The following CREBBP variants were observed in gnomAD, a reference collection of about 807,000 sequenced individuals.
CREBBP encodes the protein CREB-binding protein.
In CREBBP, 19 loss-of-function variants were observed where a neutral mutation model predicts 265.0. The ratio of observed to expected loss-of-function variants is 0.07; its 90% CI spans 0.05 to 0.11. CREBBP has a LOEUF of 0.11. Among genes scored for constraint, CREBBP ranks in the 10% least tolerant of loss-of-function variants. CREBBP has a pLI of 1.00. For missense variants in CREBBP, 2,525 were observed against 3,219.0 expected (o/e 0.78, Z 5.22); for synonymous variants, 1,457 against 1,223.7 (o/e 1.19, Z -3.98).
Position 3,727,619 on chromosome 16 carries a change from G to T in CREBBP, c.*99C>A, listed in dbSNP as rs758118196. On this transcript the variant is annotated 3_prime_UTR_variant, in exon 31 of 31. Transcript: ENST00000262367. ...CAATCCACCCTTCCATGGCTCGGAA[G>T]TCGCAGTTCCATCTAGGAATAAAAA... 19 of 1,601,508 alleles carry T rather than the reference G, an allele frequency of 1.2e-5. No individual in the cohort carries two copies. The highest frequency in any genetic ancestry group is 1.6e-5 in the Non-Finnish European group (19 of 1,172,912).
At chr16:3,816,339 A>G (rs902614739) in intron 2 of CREBBP, among the ~76,000 whole-genome samples, 7 of 152,230 alleles carry the variant, frequency 4.6e-5, no homozygotes, top group African/African-American at 1.7e-4. Flanking sequence ...CCTGTGTATG[A>G]TAAGAAAAAT....
At chr16:3,832,939 T>A (rs1207409040) in intron 2 of CREBBP, among the ~76,000 whole-genome samples, 3 of 150,584 alleles carry the variant, frequency 2.0e-5, no homozygotes, top group South Asian at 2.1e-4. Flanking sequence ...TGAAAAAAGA[T>A]GTGGCAAAAT....
At chr16:3,767,364 C>A (rs2052879958) in intron 16 of CREBBP, 1 of 312,498 alleles carries the variant, frequency 3.2e-6, no homozygotes, top group Middle Eastern at 9.7e-4. Context: ...CTCCTACTCA[C>A]ATACATCACT....
At chr16:3,739,361 C>G in intron 25 of CREBBP, 1 of 607,450 alleles carries the variant, frequency 1.6e-6, no homozygotes, top group Non-Finnish European at 2.9e-6. Context: ...CCCACACAGA[C>G]TCGCCACACA....
At chr16:3,818,956 G>C (rs2054091623) in intron 2 of CREBBP, among the ~76,000 whole-genome samples, 1 of 152,224 alleles carries the variant, frequency 6.6e-6, no homozygotes, top group African/African-American at 2.4e-5. Context: ...GCCCCCACTA[G>C]AGGCTTCACC....
intron 21 of CREBBP, among the ~76,000 whole-genome samples, chr16:3,747,093 C>A (rs151198438): frequency 2.6e-5 from 4 of 152,078 alleles, no homozygotes; most frequent in African/African-American, 9.7e-5. Context: ...AGCAAGCCCC[C>A]CTGCCTGGCT....
chr16:3,774,251 A>G (rs2053083476), intron 12 of CREBBP, among the ~76,000 whole-genome samples: 1 of 152,216 alleles, frequency 6.6e-6, no homozygotes, highest in Non-Finnish European at 1.5e-5. Flanking sequence ...GCCTCGGAAC[A>G]GCGAGCTCTC....
Position 3,793,618 on chromosome 16 carries a change from C to T in CREBBP, c.984G>A (p.Met328Ile), listed in dbSNP as rs1421889824. 6 of 1,612,956 alleles carry T rather than the reference C, an allele frequency of 3.7e-6. No individual in the cohort carries two copies. The highest frequency in any genetic ancestry group is 5.1e-6 in the Non-Finnish European group (6 of 1,179,992). The part of the protein sequence containing the change: ...SVTNVPNMSQ[M>I]QTSVGIVPTQ... ...TGGGTACAATTCCCACTGATGTTTG[C>T]ATCTGAGACTAAAATAAAGCAAAAT... The change falls in exon 4 of 31, where the codon ATG (methionine) becomes ATA (isoleucine). Residue 328 changes from methionine to isoleucine, a missense_variant. Met to Ile is a conservative substitution (Grantham distance 10). This residue lies in a region of CREBBP where 126 missense variants were observed against 171.9 expected (regional missense o/e 0.73). Coordinates refer to ENST00000262367, the MANE Select transcript of CREBBP (RefSeq NM_004380.3).
chr16:3,792,544 A>G (rs914356398), intron 4 of CREBBP, among the ~76,000 whole-genome samples: 6 of 152,222 alleles, frequency 3.9e-5, no homozygotes, highest in Admixed American at 6.5e-5. Context: ...GACTCTGGGC[A>G]CTTGGTGAAG....
chr16:3,756,454 C>G (rs1189393527), intron 19 of CREBBP, among the ~76,000 whole-genome samples: 7 of 152,250 alleles, frequency 4.6e-5, no homozygotes. Context: ...ATACTATTCT[C>G]ACTCTCTACC....
intron 3 of CREBBP, among the ~76,000 whole-genome samples, chr16:3,810,170 C>G (rs181232750): frequency 1.8e-4 from 28 of 152,142 alleles, no homozygotes; most frequent in Admixed American, 6.5e-4. Flanking sequence ...TTGTGTTGGA[C>G]GTAATATGCA....
chr16:3,785,282 T>C (rs1360711345), intron 5 of CREBBP, among the ~76,000 whole-genome samples: 1 of 152,256 alleles, frequency 6.6e-6, no homozygotes, highest in Admixed American at 6.5e-5. Flanking sequence ...CTTTAGACAC[T>C]GACCCTTCGT....
chr16:3,781,169 T>C (rs762189965), intron 7 of CREBBP, 35 bp downstream of exon 7: 5 of 1,550,904 alleles, frequency 3.2e-6, no homozygotes, highest in South Asian at 2.2e-5. Context: ...CATGCTCCTG[T>C]TGGACTGTCA....
intron 2 of CREBBP, among the ~76,000 whole-genome samples, chr16:3,827,426 C>G (rs1319532309): frequency 6.6e-6 from 1 of 152,192 alleles, no homozygotes; most frequent in Non-Finnish European, 1.5e-5. Context: ...GAGTCTCACT[C>G]TGTTGCCCAG....
At chr16:3,876,182 G>C (rs1428778332) in intron 1 of CREBBP, among the ~76,000 whole-genome samples, 1 of 151,796 alleles carries the variant, frequency 6.6e-6, no homozygotes, top group East Asian at 1.9e-4. Flanking sequence ...GGGATTACAG[G>C]ATTGTACTAT....
intron 2 of CREBBP, among the ~76,000 whole-genome samples, chr16:3,828,925 T>C (rs972834179): frequency 4.6e-5 from 7 of 152,250 alleles, no homozygotes; most frequent in Admixed American, 3.3e-4. Context: ...CCCAGTACAA[T>C]AGGCATGTCC....
At position 3,878,091 on chromosome 16, in the gene CREBBP, T is replaced by C. The variant is rs72760829; in HGVS notation, c.85+1741A>G. 3.6e-3 allele frequency among the ~76,000 whole-genome samples: 545 copies of C among 152,356 alleles called. 1 individual carries two copies. Among genetic ancestry groups the C allele is most frequent in the Admixed American group, 7.0e-3 (107 of 15,304 alleles). On this transcript the variant is annotated intron_variant, in intron 1 of 30. Coordinates refer to ENST00000262367, the MANE Select transcript of CREBBP (RefSeq NM_004380.3). ...TTTTTGTTAAGTCTTGTGTTACTAA[T>C]TGTCCCCCTTTTTAAGACAAAATCT...
intron 21 of CREBBP, among the ~76,000 whole-genome samples, chr16:3,748,740 A>T (rs2052405560): frequency 6.6e-6 from 1 of 152,176 alleles, no homozygotes; most frequent in Non-Finnish European, 1.5e-5. Context: ...TCAGAACTTT[A>T]CATTGGGGAC....
chr16:3,744,511 CT>C (rs2052294218), intron 23 of CREBBP, among the ~76,000 whole-genome samples: 1 of 152,194 alleles, frequency 6.6e-6, no homozygotes, highest in Non-Finnish European at 1.5e-5. Context: ...CAAATATTCC[CT>C]TTAAGGGTGG....
Sources: allele counts gnomAD v4.1 joint callset (sites outside exome capture counted in the v4.1 genomes callset), GRCh38; gene constraint gnomAD v4.1.1; regional missense constraint gnomAD v4.1.1; transcripts MANE v1.5; gene names NCBI Gene and HGNC (gene_info 2026-07-23, HGNC 2026-07-21).